PCDHA5: variants seen among roughly 807,000 people sequenced by gnomAD.
The protein encoded by PCDHA5 is protocadherin alpha 5.
In PCDHA5, 43 loss-of-function variants were observed where a neutral mutation model predicts 61.6. That is an observed-to-expected ratio of 0.70 (90% CI 0.55 to 0.90). The LOEUF is 0.90. PCDHA5 is among the 40% of genes least tolerant of loss of function. The probability of loss-of-function intolerance (pLI) is 0.00; values close to 1 mark genes in which losing one functional copy is unlikely to be tolerated. For missense variants in PCDHA5, 1,298 were observed against 1,222.7 expected (o/e 1.06, Z -0.92); for synonymous variants, 627 against 543.9 (o/e 1.15, Z -2.13).
intron 1 of PCDHA5, chr5:140,851,868 C>A: frequency 1.0e-6 from 1 of 976,710 alleles, no homozygotes; most frequent in Non-Finnish European, 1.2e-6. Context: ...ATACATAACA[C>A]AAGGCAGAAA....
chr5:140,913,125 C>G (rs1164527264), intron 1 of PCDHA5, among the ~76,000 whole-genome samples: 1 of 152,132 alleles, frequency 6.6e-6, no homozygotes, highest in Non-Finnish European at 1.5e-5. Context: ...AAGTTAACCC[C>G]TCCTCTACTT....
chr5:140,829,951 C>T (rs2150178473), intron 1 of PCDHA5: 3 of 1,614,004 alleles, frequency 1.9e-6, no homozygotes, highest in Non-Finnish European at 2.5e-6. Flanking sequence ...GCGCTCGCTT[C>T]CCGTTTCGCG....
In PCDHA5 at chr5:140,857,433, T is replaced by C. The variant is rs2044590478; in HGVS notation, c.2352+33306T>C. On this transcript the variant is annotated intron_variant, in intron 1 of 3. Transcript: ENST00000529859. ...TTCGCGCAGTCCGAGTACACGGTGTTCGTGAAGGAGAACAACCCGCCAGGC... is the reference window on the plus strand; with the variant it reads ...TTCGCGCAGTCCGAGTACACGGTGTCCGTGAAGGAGAACAACCCGCCAGGC... 2.5e-6 allele frequency: 4 copies of C among 1,598,232 alleles called. 1 individual carries two copies. Among genetic ancestry groups the C allele is most frequent in the Non-Finnish European group, 3.4e-6 (4 of 1,167,768 alleles).
intron 1 of PCDHA5, among the ~76,000 whole-genome samples, chr5:140,898,839 A>C (rs2066999324): frequency 6.6e-6 from 1 of 152,280 alleles, no homozygotes; most frequent in East Asian, 1.9e-4. Flanking sequence ...ATGTTCTTCC[A>C]TTTCTTTGTA....
intron 1 of PCDHA5, among the ~76,000 whole-genome samples, chr5:140,958,063 A>G (rs2095406851): frequency 6.6e-6 from 1 of 152,118 alleles, no homozygotes; most frequent in Non-Finnish European, 1.5e-5. Flanking sequence ...GAGAGAAAAA[A>G]CACAGAAGCA....
chr5:140,956,130 AC>A (rs1328169081), intron 1 of PCDHA5, among the ~76,000 whole-genome samples: 3 of 152,088 alleles, frequency 2.0e-5, no homozygotes. Context: ...CTATTTGAAT[AC>A]CCTTTATTTC....
In PCDHA5 at chr5:140,856,431, A is replaced by G. The variant is rs782173275; in HGVS notation, c.2352+32304A>G. 21 of 1,597,862 alleles carry G rather than the reference A, an allele frequency of 1.3e-5. 4 individuals are homozygous for G. In the South Asian group the frequency reaches 2.2e-4, roughly 17 times the overall value. On this transcript the variant is annotated intron_variant, in intron 1 of 3. Transcript: ENST00000529859. ...GTGGAAGTGAAGGACATTAACGACA[A>G]CCCGCCCAGGTTCTCCGTAACAGAA...
intron 1 of PCDHA5, chr5:140,928,385 T>G: frequency 6.2e-7 from 1 of 1,614,046 alleles, no homozygotes; most frequent in Middle Eastern, 1.7e-4. Flanking sequence ...TCTAGCTTGC[T>G]GGCAGTGGAA....
intron 1 of PCDHA5, chr5:140,864,242 T>C (rs978090917): frequency 6.6e-6 from 1 of 152,208 alleles, no homozygotes; most frequent in Non-Finnish European, 1.5e-5. Flanking sequence ...TTATTCCTAT[T>C]CATTTTCTTA....
rs1554231844 is a variant in PCDHA5, at chr5:140,969,454, A to G, written c.2353-9495A>G. On this transcript the variant is annotated intron_variant, in intron 1 of 3. Coordinates refer to ENST00000529859, the MANE Select transcript of PCDHA5 (RefSeq NM_018908.3). ...AAGAGTTATCTGGTAAACTGAGTAT[A>G]TATAGTATCCACAATTTGATCATAA... 7.9e-6 allele frequency: 12 copies of G among 1,511,706 alleles called. No individual in the cohort carries two copies. The South Asian group carries it at 9.0e-5, about 11-fold the overall frequency. The allele number at this position is 1,511,706 out of a possible 1,614,324, so 93.6% of individuals were successfully genotyped here.
intron 1 of PCDHA5, chr5:140,862,563 C>T: frequency 2.1e-6 from 1 of 476,978 alleles, no homozygotes; most frequent in Non-Finnish European, 4.3e-6. Context: ...CAGTGAACCA[C>T]AATGCCCTGG....
chr5:140,862,406 T>C, intron 1 of PCDHA5: 1 of 350,092 alleles, frequency 2.9e-6, no homozygotes, highest in Non-Finnish European at 5.6e-6. Flanking sequence ...GTGTCTACCT[T>C]CAAAAGGCGC....
chr5:140,877,917 T>G (rs2057395668), intron 1 of PCDHA5: 2 of 1,427,712 alleles, frequency 1.4e-6, no homozygotes, highest in Admixed American at 2.9e-5. Context: ...TTCTCTCATT[T>G]TTCTTTATGA....
In PCDHA5 at chr5:140,856,749, C is replaced by T. The variant is rs146132566; in HGVS notation, c.2352+32622C>T. The T allele has an allele frequency of 1.3e-4, 214 of 1,595,860 alleles. 19 individuals carry two copies. In the Middle Eastern group the frequency reaches 4.3e-3, roughly 32 times the overall value. On this transcript the variant is annotated intron_variant, in intron 1 of 3. Transcript: ENST00000529859. ...TCTCTGCTGATCCTGGTGTTAGATGCCAATGATAACGCCCCTATCTTTGAC... is the reference window on the plus strand; with the variant it reads ...TCTCTGCTGATCCTGGTGTTAGATGTCAATGATAACGCCCCTATCTTTGAC...
intron 1 of PCDHA5, chr5:140,928,054 A>T (rs2084892451): frequency 1.2e-6 from 2 of 1,613,994 alleles, no homozygotes; most frequent in Non-Finnish European, 1.7e-6. Flanking sequence ...TTTTCAGCTG[A>T]CGGCTTCCTT....
chr5:140,885,516 T>A (rs1235698672), intron 1 of PCDHA5, among the ~76,000 whole-genome samples: 2 of 152,198 alleles, frequency 1.3e-5, no homozygotes, highest in Non-Finnish European at 2.9e-5. Flanking sequence ...TGCTGTGCTA[T>A]CATTTCATAT....
intron 1 of PCDHA5, chr5:140,842,584 T>A: frequency 6.6e-7 from 1 of 1,519,626 alleles, no homozygotes; most frequent in Non-Finnish European, 8.9e-7. Flanking sequence ...TGTCGGCCTA[T>A]GAGTTGGTGG....
At position 140,829,905 on chromosome 5, in the gene PCDHA5, C is replaced by T; in HGVS notation, c.2352+5778C>T. ...GTTGACGCCGACTCAGGCTACAACG[C>T]GTGGCTTTCGTATGAGCTGCAGCCC... On this transcript the variant is annotated intron_variant, in intron 1 of 3. Transcript: ENST00000529859. The T allele has an allele frequency of 6.2e-7, 1 of 1,613,982 alleles. No individual in the cohort carries two copies. Among genetic ancestry groups the T allele is most frequent in the East Asian group, 2.2e-5 (1 of 44,882 alleles).
intron 1 of PCDHA5, chr5:140,877,402 C>T: frequency 6.2e-7 from 1 of 1,613,934 alleles, no homozygotes; most frequent in African/African-American, 1.3e-5. Flanking sequence ...GGACGCTCCG[C>T]GCCACCGCCT....
Sources: allele counts gnomAD v4.1 joint callset (sites outside exome capture counted in the v4.1 genomes callset), GRCh38; gene constraint gnomAD v4.1.1; transcripts MANE v1.5; gene names NCBI Gene and HGNC (gene_info 2026-07-23, HGNC 2026-07-21).